The following SCFD2 variants were observed in gnomAD, a reference collection of about 807,000 sequenced individuals.
SCFD2 encodes sec1 family domain-containing protein 2.
Under a neutral mutation model 58.9 loss-of-function variants are expected in SCFD2, and 54 were observed. That is an observed-to-expected ratio of 0.92 (90% confidence interval 0.74 to 1.15). The LOEUF is 1.15. Ranked by LOEUF, SCFD2 falls within the 50% of genes most tolerant of loss-of-function variation. SCFD2 has a pLI of 0.00. For synonymous variants in SCFD2, 321 were observed against 335.9 expected (o/e 0.96, Z 0.49); for missense variants, 805 against 836.6 (o/e 0.96, Z 0.47).
At chr4:53,269,219 G>A (rs544010357) in intron 4 of SCFD2, among the ~76,000 whole-genome samples, 38 of 152,158 alleles carry the variant, frequency 2.5e-4, no homozygotes, top group Non-Finnish European at 4.3e-4. Flanking sequence ...CAGCTACTCA[G>A]GAGTCTGAGG....
intron 5 of SCFD2, among the ~76,000 whole-genome samples, chr4:53,017,215 A>C (rs1722236538): frequency 6.6e-6 from 1 of 152,190 alleles, no homozygotes; most frequent in Admixed American, 6.5e-5. Flanking sequence ...TCTGCTTCCT[A>C]AAAATAAGGA....
At chr4:52,930,080 C>T (rs935258904) in intron 5 of SCFD2, among the ~76,000 whole-genome samples, 15 of 152,162 alleles carry the variant, frequency 9.9e-5, no homozygotes, top group African/African-American at 3.4e-4. Flanking sequence ...AAGCTGGAGG[C>T]ATCACACTAC....
chr4:52,910,961 A>G (rs1170823497), intron 6 of SCFD2, among the ~76,000 whole-genome samples: 2 of 152,134 alleles, frequency 1.3e-5, no homozygotes, highest in African/African-American at 4.8e-5. Context: ...ACTGTGAGTC[A>G]ATTAAACCTC....
Position 53,346,984 on chromosome 4 carries a change from A to T in SCFD2, c.1007+5614T>A, listed in dbSNP as rs568483859. Among the ~76,000 whole-genome samples, 19 of 152,332 alleles carry T rather than the reference A, an allele frequency of 1.2e-4. No homozygotes were observed. In the South Asian group the frequency reaches 3.5e-3, roughly 28 times the overall value. On this transcript the variant is annotated intron_variant, in intron 2 of 8. Transcript: ENST00000401642. ...AAATACTCAAACTGATATTTGTAGTAAGACATCTCCCTCCTGCCTCCATCC... is the reference window on the plus strand; with the variant it reads ...AAATACTCAAACTGATATTTGTAGTTAGACATCTCCCTCCTGCCTCCATCC...
intron 4 of SCFD2, among the ~76,000 whole-genome samples, chr4:53,221,557 T>G (rs1729047810): frequency 6.6e-6 from 1 of 152,222 alleles, no homozygotes; most frequent in Non-Finnish European, 1.5e-5. Context: ...TGTAACTTCC[T>G]CTCCAATAGT....
chr4:53,168,153 CCTTGGGGAAACTACTGG>C (rs1261720706), intron 4 of SCFD2, among the ~76,000 whole-genome samples: 2 of 152,284 alleles, frequency 1.3e-5, no homozygotes, highest in Non-Finnish European at 2.9e-5. Flanking sequence ...GCTGGCATTG[CCTTGGGGAAACTACTGG>C]CTTCCTTGCA....
intron 2 of SCFD2, among the ~76,000 whole-genome samples, chr4:53,330,031 G>A (rs996991448): frequency 1.3e-5 from 2 of 151,396 alleles, no homozygotes; most frequent in African/African-American, 4.9e-5. Context: ...GAAGCGAGAA[G>A]GGAAGTTTAG....
chr4:53,148,414 G>T (rs1451631894), intron 4 of SCFD2, among the ~76,000 whole-genome samples: 1 of 152,154 alleles, frequency 6.6e-6, no homozygotes, highest in Non-Finnish European at 1.5e-5. Context: ...GCCTATAACT[G>T]ATCTGAATAC....
At chr4:53,004,626 A>G (rs143061015) in intron 5 of SCFD2, among the ~76,000 whole-genome samples, 19 of 152,326 alleles carry the variant, frequency 1.2e-4, no homozygotes, top group African/African-American at 4.6e-4. Context: ...AGAATTTGAA[A>G]GCATTGATTA....
chr4:53,128,574 G>T (rs145978538), intron 5 of SCFD2, among the ~76,000 whole-genome samples: 1 of 152,204 alleles, frequency 6.6e-6, no homozygotes, highest in South Asian at 2.1e-4. Flanking sequence ...GAGCTGTAAG[G>T]TTCGGAGGGG....
At chr4:53,097,231 G>GT (rs1553876070) in intron 5 of SCFD2, among the ~76,000 whole-genome samples, 2 of 152,152 alleles carry the variant, frequency 1.3e-5, no homozygotes, top group Non-Finnish European at 2.9e-5. Flanking sequence ...CTTTAAAGTT[G>GT]TTTTTTCCAA....
At chr4:53,328,690 C>T (rs887975940) in intron 2 of SCFD2, among the ~76,000 whole-genome samples, 5 of 152,192 alleles carry the variant, frequency 3.3e-5, no homozygotes, top group African/African-American at 9.7e-5. Context: ...GGAAAAATCA[C>T]TATTATCAGC....
intron 5 of SCFD2, among the ~76,000 whole-genome samples, chr4:53,076,747 C>T (rs1343121086): frequency 6.6e-6 from 1 of 152,214 alleles, no homozygotes; most frequent in Admixed American, 6.5e-5. Flanking sequence ...AGCTCCCCAG[C>T]AGCCTTTCTC....
intron 4 of SCFD2, among the ~76,000 whole-genome samples, chr4:53,221,748 A>T (rs745649020): frequency 2.0e-5 from 3 of 152,226 alleles, no homozygotes; most frequent in Non-Finnish European, 4.4e-5. Flanking sequence ...ACAAATTGCA[A>T]ACTGGAAGAA....
At chr4:53,294,126 T>C (rs1445144779) in intron 3 of SCFD2, among the ~76,000 whole-genome samples, 1 of 152,168 alleles carries the variant, frequency 6.6e-6, no homozygotes, top group East Asian at 1.9e-4. Context: ...ATCTTTACAG[T>C]AGAATAATTT....
At chr4:53,102,651 A>G (rs1323453631) in intron 5 of SCFD2, among the ~76,000 whole-genome samples, 3 of 152,046 alleles carry the variant, frequency 2.0e-5, no homozygotes, top group African/African-American at 7.2e-5. Flanking sequence ...ATAAAAGGAA[A>G]ATTCATATTA....
At chr4:52,945,597 G>T (rs1401269107) in intron 5 of SCFD2, 1 of 151,958 alleles carries the variant, frequency 6.6e-6, no homozygotes, top group African/African-American at 2.4e-5. Flanking sequence ...TAATGTCAAG[G>T]GCAAGACTCA....
intron 5 of SCFD2, among the ~76,000 whole-genome samples, chr4:52,926,391 GAC>G (rs1035510714): frequency 6.6e-6 from 1 of 151,384 alleles, no homozygotes; most frequent in African/African-American, 2.4e-5. Flanking sequence ...TACACACACA[GAC>G]ACACACACGC....
intron 4 of SCFD2, among the ~76,000 whole-genome samples, chr4:53,234,921 T>A (rs943196466): frequency 6.6e-6 from 1 of 152,206 alleles, no homozygotes; most frequent in Non-Finnish European, 1.5e-5. Context: ...AAAGTGAAAA[T>A]AGGTGATCCT....
Sources: allele counts gnomAD v4.1 joint callset (sites outside exome capture counted in the v4.1 genomes callset), GRCh38; gene constraint gnomAD v4.1.1; transcripts MANE v1.5; gene names NCBI Gene and HGNC (gene_info 2026-07-23, HGNC 2026-07-21).